Variants in NFIB observed in about 807,000 individuals in gnomAD.
NFIB encodes nuclear factor I B.
A neutral mutation model predicts 61.5 loss-of-function variants in NFIB; 11 were observed. That is an observed-to-expected ratio of 0.18 (90% CI 0.11 to 0.30). The LOEUF (loss-of-function observed/expected upper bound fraction) is 0.30, where lower values mean the gene tolerates loss of function less well. NFIB is among the 10% of genes least tolerant of loss of function. The pLI is 1.00. For synonymous variants in NFIB, 260 were observed against 216.5 expected, an observed-to-expected ratio of 1.20 and a Z score of -1.76; for missense variants, 471 against 608.9, an observed-to-expected ratio of 0.77 and a Z score of 2.38.
upstream of NFIB, among the ~76,000 whole-genome samples, chr9:14,401,971 T>C (rs1044912132): frequency 3.3e-5 from 5 of 152,172 alleles, no homozygotes; most frequent in Non-Finnish European, 7.3e-5. Flanking sequence ...GTTAAATACA[T>C]ATGTATGCCT....
chr9:14,513,191 CTTTA>C, the NFIB span, among the ~76,000 whole-genome samples: 1 of 152,088 alleles, frequency 6.6e-6, no homozygotes, highest in African/African-American at 2.4e-5. Flanking sequence ...AAGAGCAACT[CTTTA>C]TTTTTCACCT....
intron 1 of NFIB, among the ~76,000 whole-genome samples, chr9:14,351,865 C>G (rs1030784496): frequency 6.6e-6 from 1 of 152,156 alleles, no homozygotes; most frequent in African/African-American, 2.4e-5. Flanking sequence ...CCTATGCAGG[C>G]CTTTGAAAAG....
chr9:14,319,046 G>C (rs1395689437), upstream of NFIB, among the ~76,000 whole-genome samples: 1 of 151,946 alleles, frequency 6.6e-6, no homozygotes, highest in Admixed American at 6.6e-5. Flanking sequence ...CCCATTGCTA[G>C]CCCTTTGCAC....
the NFIB span, among the ~76,000 whole-genome samples, chr9:14,524,663 G>A: frequency 6.6e-6 from 1 of 152,256 alleles, no homozygotes; most frequent in African/African-American, 2.4e-5. Flanking sequence ...ATGAGATGTT[G>A]GTGAACTAGC....
the NFIB span, among the ~76,000 whole-genome samples, chr9:14,472,382 G>C: frequency 1.3e-5 from 2 of 152,070 alleles, no homozygotes; most frequent in Admixed American, 1.3e-4. Flanking sequence ...ATCCACTTTG[G>C]AACAAGAACA....
chr9:14,423,554 C>A, the NFIB span, among the ~76,000 whole-genome samples: 5 of 152,236 alleles, frequency 3.3e-5, no homozygotes, highest in Admixed American at 6.5e-5. Context: ...AAAAGGGTCA[C>A]TGGGCCCATT....
chr9:14,394,999 C>T (rs781294128), intron 1 of NFIB, among the ~76,000 whole-genome samples: 1 of 152,110 alleles, frequency 6.6e-6, no homozygotes, highest in Non-Finnish European at 1.5e-5. Context: ...CTCCTCTGGT[C>T]CACTCAATCT....
intron 1 of NFIB, among the ~76,000 whole-genome samples, chr9:14,358,180 A>G (rs369744880): frequency 1.3e-5 from 2 of 150,538 alleles, no homozygotes; most frequent in East Asian, 1.9e-4. Flanking sequence ...CATAATTAAT[A>G]TCTATTTATT....
chr9:14,366,070 C>T (rs1420576789), intron 1 of NFIB, among the ~76,000 whole-genome samples: 1 of 152,176 alleles, frequency 6.6e-6, no homozygotes, highest in African/African-American at 2.4e-5. Context: ...TCCCTCCAGA[C>T]GCTCCTGATC....
intron 2 of NFIB, among the ~76,000 whole-genome samples, chr9:14,261,848 G>A (rs1226020246): frequency 1.3e-5 from 2 of 152,200 alleles, no homozygotes; most frequent in Admixed American, 6.5e-5. Context: ...GAAATTCGGG[G>A]AAGGAACCAG....
At chr9:14,091,028 T>A (rs1346489915) in intron 10 of NFIB, among the ~76,000 whole-genome samples, 1 of 152,068 alleles carries the variant, frequency 6.6e-6, no homozygotes, top group African/African-American at 2.4e-5. Flanking sequence ...TTAATTTAAA[T>A]GTTTATTTAA....
At chr9:14,467,903 G>A in the NFIB span, among the ~76,000 whole-genome samples, 78,720 of 151,992 alleles carry the variant, frequency 0.52, 20,749 homozygotes, top group East Asian at 0.78. Context: ...TAATAACAAT[G>A]TAGGTATTAA....
At chr9:14,436,183 T>G in the NFIB span, among the ~76,000 whole-genome samples, 4 of 152,248 alleles carry the variant, frequency 2.6e-5, no homozygotes, top group Non-Finnish European at 5.9e-5. Context: ...AATGAAAATC[T>G]CTTCTTACAA....
chr9:14,213,468 G>C (rs527251686), intron 2 of NFIB, among the ~76,000 whole-genome samples: 12 of 152,240 alleles, frequency 7.9e-5, no homozygotes, highest in African/African-American at 2.9e-4. Flanking sequence ...AGAGTTTCTG[G>C]CCCATCCTCA....
chr9:14,107,838 G>A (rs1367654770), intron 10 of NFIB, among the ~76,000 whole-genome samples: 1 of 152,014 alleles, frequency 6.6e-6, no homozygotes, highest in Non-Finnish European at 1.5e-5. Flanking sequence ...ATTCAACTGA[G>A]ATCTAAGTTA....
the NFIB span, among the ~76,000 whole-genome samples, chr9:14,489,378 C>T: frequency 6.6e-6 from 1 of 152,160 alleles, no homozygotes; most frequent in Non-Finnish European, 1.5e-5. Context: ...TGGAAACTTT[C>T]CCTATCACGT....
the NFIB span, among the ~76,000 whole-genome samples, chr9:14,454,254 G>T: frequency 6.6e-6 from 1 of 152,200 alleles, no homozygotes; most frequent in African/African-American, 2.4e-5. Context: ...GACCTGACTT[G>T]TCAAATGAGG....
rs71491636 is a variant in NFIB, at chr9:14,167,083, C to CGGGG, written c.617-11194_617-11191dup. On this transcript the variant is annotated intron_variant, in intron 3 of 10. Transcript: ENST00000380953. ...AGGGCATATTGTTGTGTGTGTGTGT[C>CGGGG]GGGGGGGGGGGGTTCCCCTTTTTAA... is the stretch of plus-strand genomic sequence containing the variant. Among the ~76,000 whole-genome samples, 563 of 104,468 alleles carry CGGGG rather than the reference C, an allele frequency of 5.4e-3. 59 individuals carry two copies. The highest frequency in any genetic ancestry group is 0.025 in the East Asian group (77 of 3,040). The allele number at this position is 104,468 out of a possible 152,430, so 68.5% of individuals were successfully genotyped here. A position where few individuals can be genotyped will look rare whatever the true frequency, so the allele number is the denominator to read the frequency against.
intron 1 of NFIB, among the ~76,000 whole-genome samples, chr9:14,381,190 TC>T (rs2061485003): frequency 6.6e-6 from 1 of 152,066 alleles, no homozygotes; most frequent in South Asian, 2.1e-4. Flanking sequence ...TGTGTTTCTT[TC>T]TTTTTCTTTT....
Sources: allele counts gnomAD v4.1 joint callset (sites outside exome capture counted in the v4.1 genomes callset), GRCh38; gene constraint gnomAD v4.1.1; transcripts MANE v1.5; gene names NCBI Gene and HGNC (gene_info 2026-07-23, HGNC 2026-07-21).